The following MYO1B variants were observed in gnomAD, a reference collection of about 807,000 sequenced individuals.
MYO1B encodes unconventional myosin-Ib.
In MYO1B, 72 loss-of-function variants were observed where a neutral mutation model predicts 159.7. The ratio of observed to expected loss-of-function variants is 0.45; its 90% CI spans 0.37 to 0.55. The LOEUF (loss-of-function observed/expected upper bound fraction) is 0.55, where lower values mean the gene tolerates loss of function less well. Ranked by LOEUF, MYO1B falls within the 20% of genes least tolerant of loss-of-function variation. The pLI is 0.00. For missense variants in MYO1B, 1,062 were observed against 1,364.8 expected (o/e 0.78, Z 3.50); for synonymous variants, 468 against 473.8 (o/e 0.99, Z 0.16).
chr2:191,422,099 C>T (rs1477218387), intron 30 of MYO1B, among the ~76,000 whole-genome samples: 3 of 152,156 alleles, frequency 2.0e-5, no homozygotes, highest in Admixed American at 6.5e-5. Context: ...CTAATGGATA[C>T]AGAGCAGAGC....
chr2:191,325,992 C>T lies in MYO1B; in HGVS notation c.252-3943C>T, dbSNP rs369056950. ...TGAAGGGGAGATGGCCTTTAAACAT[C>T]GGGCTGACCCTATTCTTAGAGCTCA... On this transcript the variant is annotated intron_variant, in intron 3 of 30. Transcript: ENST00000392318. Among the ~76,000 whole-genome samples, 26 of 152,256 alleles carry T rather than the reference C, an allele frequency of 1.7e-4. No homozygotes were observed. In the East Asian group the frequency reaches 3.9e-3, roughly 23 times the overall value.
At chr2:191,271,404 T>C (rs1180663592) in intron 1 of MYO1B, among the ~76,000 whole-genome samples, 1 of 152,182 alleles carries the variant, frequency 6.6e-6, no homozygotes, top group Non-Finnish European at 1.5e-5. Context: ...CTGGGTGCAG[T>C]GGCTTATGCC....
chr2:191,335,384 T>G (rs1343125086), intron 4 of MYO1B, among the ~76,000 whole-genome samples: 2 of 152,208 alleles, frequency 1.3e-5, no homozygotes, highest in Non-Finnish European at 2.9e-5. Context: ...TCTATCAAAT[T>G]GAGTAAAGCC....
intron 2 of MYO1B, among the ~76,000 whole-genome samples, chr2:191,278,980 A>T (rs774236626): frequency 6.6e-6 from 1 of 152,252 alleles, no homozygotes; most frequent in Non-Finnish European, 1.5e-5. Context: ...CATTACGTGC[A>T]TTCAAATACC....
intron 7 of MYO1B, among the ~76,000 whole-genome samples, chr2:191,355,149 G>C (rs1693189424): frequency 6.6e-6 from 1 of 152,184 alleles, no homozygotes; most frequent in Non-Finnish European, 1.5e-5. Flanking sequence ...TTAGCTGCTG[G>C]ATGAGGAGAG....
intron 17 of MYO1B, 94 bp from the exon 18 acceptor site, chr2:191,390,198 G>T: frequency 8.9e-7 from 1 of 1,119,662 alleles, no homozygotes; most frequent in Admixed American, 2.5e-5. Flanking sequence ...TAATTGTTTT[G>T]CTATGAAACA....
chr2:191,249,085 G>T (rs1685962467), intron 1 of MYO1B, among the ~76,000 whole-genome samples: 2 of 152,246 alleles, frequency 1.3e-5, no homozygotes, highest in Non-Finnish European at 2.9e-5. Flanking sequence ...AAAAGTGGTA[G>T]AACAGAGTAG....
At position 191,265,170 on chromosome 2, in the gene MYO1B, A is replaced by G. The variant is rs146898923; in HGVS notation, c.-9-11717A>G. On this transcript the variant is annotated intron_variant, in intron 1 of 30. Coordinates refer to ENST00000392318, the MANE Select transcript of MYO1B (RefSeq NM_001130158.3). ...CTCCATTGTCACTAAAAGAGCCTGA[A>G]CGATGGGAAGGCCCCTGTTTTTTTT... 7.3e-4 allele frequency among the ~76,000 whole-genome samples: 110 copies of G among 149,780 alleles called. 1 individual carries two copies. Among genetic ancestry groups the G allele is most frequent in the Middle Eastern group, 3.5e-3 (1 of 284 alleles).
intron 19 of MYO1B, among the ~76,000 whole-genome samples, chr2:191,392,772 A>G (rs1005240353): frequency 5.9e-5 from 9 of 152,170 alleles, no homozygotes; most frequent in Non-Finnish European, 7.3e-5. Flanking sequence ...TCTACCTTCC[A>G]TTAGTAATTT....
chr2:191,314,720 C>T (rs1690234973), intron 3 of MYO1B, among the ~76,000 whole-genome samples: 1 of 152,102 alleles, frequency 6.6e-6, no homozygotes, highest in South Asian at 2.1e-4. Flanking sequence ...GTTCGTTTTC[C>T]ACATATGACT....
chr2:191,370,511 G>C (rs1411014245), intron 13 of MYO1B, among the ~76,000 whole-genome samples: 1 of 152,094 alleles, frequency 6.6e-6, no homozygotes, highest in Admixed American at 6.5e-5. Context: ...GAGTGTGTGT[G>C]TGTGTGTGTG....
chr2:191,335,305 T>C (rs1197534018), intron 4 of MYO1B, among the ~76,000 whole-genome samples: 1 of 152,190 alleles, frequency 6.6e-6, no homozygotes, highest in Non-Finnish European at 1.5e-5. Context: ...CTTACTCTAT[T>C]TTCTTTCTTT....
At chr2:191,409,321 C>A in intron 26 of MYO1B, 143 bp downstream of exon 26, 1 of 958,708 alleles carries the variant, frequency 1.0e-6, no homozygotes, top group Non-Finnish European at 1.5e-6. Context: ...TTCCCCCATG[C>A]ACCATATTGA....
chr2:191,408,226 T>C, intron 25 of MYO1B, 37 bp downstream of exon 25: 1 of 1,493,416 alleles, frequency 6.7e-7, no homozygotes, highest in Non-Finnish European at 9.3e-7. Context: ...TAATCAGCAT[T>C]GTGGAATTAC....
chr2:191,372,805 A>G (rs1694442257), intron 13 of MYO1B, among the ~76,000 whole-genome samples: 1 of 151,588 alleles, frequency 6.6e-6, no homozygotes, highest in African/African-American at 2.4e-5. Flanking sequence ...TCCTTCTGCA[A>G]GTTATACCAT....
At chr2:191,249,008 A>G (rs920152646) in intron 1 of MYO1B, among the ~76,000 whole-genome samples, 25 of 152,362 alleles carry the variant, frequency 1.6e-4, no homozygotes, top group African/African-American at 5.8e-4. Context: ...CTGTAAGTGA[A>G]TGAAACTTTA....
At chr2:191,246,733 GT>G (rs990127211) in intron 1 of MYO1B, among the ~76,000 whole-genome samples, 1 of 152,158 alleles carries the variant, frequency 6.6e-6, no homozygotes, top group African/African-American at 2.4e-5. Flanking sequence ...TAGTACAACA[GT>G]TTTCCAGGAC....
intron 3 of MYO1B, among the ~76,000 whole-genome samples, chr2:191,297,664 G>T (rs1307913391): frequency 6.6e-6 from 1 of 152,126 alleles, no homozygotes; most frequent in Non-Finnish European, 1.5e-5. Flanking sequence ...AGATTTATTG[G>T]TCATTGGCAT....
chr2:191,326,257 T>C (rs1231327095), intron 3 of MYO1B, among the ~76,000 whole-genome samples: 1 of 152,176 alleles, frequency 6.6e-6, no homozygotes. Flanking sequence ...CTTGGAAGAC[T>C]GGCATGTGGT....
Sources: allele counts gnomAD v4.1 joint callset (sites outside exome capture counted in the v4.1 genomes callset), GRCh38; gene constraint gnomAD v4.1.1; transcripts MANE v1.5; gene names NCBI Gene and HGNC (gene_info 2026-07-23, HGNC 2026-07-21).